The following IMMP2L variants were observed in gnomAD, a reference collection of about 807,000 sequenced individuals.
IMMP2L encodes the protein inner mitochondrial membrane peptidase subunit 2, also known as mitochondrial inner membrane protease subunit 2.
In IMMP2L, 18 loss-of-function variants were observed where a neutral mutation model predicts 19.3. The ratio of observed to expected loss-of-function variants is 0.93; its 90% CI spans 0.64 to 1.38. IMMP2L has a LOEUF of 1.38. Ranked by LOEUF, IMMP2L falls within the 40% of genes most tolerant of loss-of-function variation. The pLI, the probability that IMMP2L is intolerant of heterozygous loss-of-function variation, is 0.00. For missense variants in IMMP2L, 233 were observed against 218.2 expected (o/e 1.07, Z -0.43); for synonymous variants, 76 against 73.0 (o/e 1.04, Z -0.21).
chr7:110,979,560 G>C (rs893261417), intron 3 of IMMP2L, among the ~76,000 whole-genome samples: 1 of 152,006 alleles, frequency 6.6e-6, no homozygotes. Context: ...AATTCTATCA[G>C]TATTATTGGG....
At chr7:111,341,348 G>A (rs1053035295) in intron 3 of IMMP2L, among the ~76,000 whole-genome samples, 1 of 151,880 alleles carries the variant, frequency 6.6e-6, no homozygotes, top group African/African-American at 2.4e-5. Context: ...TTCTAATGGA[G>A]GGAAACAGAA....
intron 3 of IMMP2L, among the ~76,000 whole-genome samples, chr7:111,446,454 C>T (rs866553913): frequency 1.0e-4 from 15 of 149,816 alleles, no homozygotes; most frequent in Admixed American, 5.9e-4. Flanking sequence ...CACACTGACA[C>T]CTCACACGGC....
intron 3 of IMMP2L, among the ~76,000 whole-genome samples, chr7:111,378,470 T>C (rs1362530160): frequency 6.6e-6 from 1 of 152,002 alleles, no homozygotes; most frequent in African/African-American, 2.4e-5. Flanking sequence ...TATTAGTACT[T>C]ACTAAATCTT....
chr7:111,427,818 T>C lies in IMMP2L; in HGVS notation c.239+59420A>G, dbSNP rs116840079. Among the ~76,000 whole-genome samples the C allele has an allele frequency of 4.5e-3, 688 of 151,984 alleles. 23 individuals are homozygous for C. The highest frequency in any genetic ancestry group is 0.016 in the African/African-American group (664 of 41,328). On this transcript the variant is annotated intron_variant, in intron 3 of 5. Transcript: ENST00000405709. Reference sequence around the variant, plus strand: ...ATCAAAAAATTTTAAAATAGTTACATCTTTAATGTCATTAAGAGCAAATAC... The same window carrying C: ...ATCAAAAAATTTTAAAATAGTTACACCTTTAATGTCATTAAGAGCAAATAC...
chr7:110,979,959 A>T (rs1821093069), intron 3 of IMMP2L, among the ~76,000 whole-genome samples: 2 of 152,166 alleles, frequency 1.3e-5, no homozygotes, highest in South Asian at 4.1e-4. Flanking sequence ...ACTATTTTAA[A>T]AGATCCATTA....
At chr7:111,448,299 T>C (rs1285332908) in intron 3 of IMMP2L, among the ~76,000 whole-genome samples, 1 of 135,512 alleles carries the variant, frequency 7.4e-6, no homozygotes, top group South Asian at 2.5e-4. Context: ...ATTGACCACA[T>C]AGTTGGAAGT....
intron 1 of IMMP2L, among the ~76,000 whole-genome samples, chr7:111,542,982 T>C (rs1468926340): frequency 6.6e-6 from 1 of 152,128 alleles, no homozygotes; most frequent in Non-Finnish European, 1.5e-5. Flanking sequence ...ATCTTCTACA[T>C]TTATTACCTG....
intron 3 of IMMP2L, among the ~76,000 whole-genome samples, chr7:110,991,843 A>T (rs1159481754): frequency 6.6e-6 from 1 of 152,130 alleles, no homozygotes; most frequent in African/African-American, 2.4e-5. Context: ...ATTACTCTTC[A>T]GGCTTACCTT....
At chr7:110,825,292 C>T (rs1803375230) in intron 5 of IMMP2L, among the ~76,000 whole-genome samples, 2 of 152,122 alleles carry the variant, frequency 1.3e-5, no homozygotes, top group African/African-American at 2.4e-5. Context: ...ATGCCATCCC[C>T]ATCAAGCTAC....
chr7:110,818,212 C>T (rs1214600296), intron 5 of IMMP2L, among the ~76,000 whole-genome samples: 1 of 152,028 alleles, frequency 6.6e-6, no homozygotes, highest in Non-Finnish European at 1.5e-5. Context: ...GCAACCTACT[C>T]ATCTGACAAA....
chr7:111,302,509 T>C (rs1446994569), intron 3 of IMMP2L, among the ~76,000 whole-genome samples: 1 of 152,162 alleles, frequency 6.6e-6, no homozygotes, highest in Non-Finnish European at 1.5e-5. Context: ...TAACTCTGTG[T>C]GTGTGTGTGC....
chr7:111,241,207 C>T lies in IMMP2L; in HGVS notation c.239+246031G>A, dbSNP rs1301967975. ...TCAATAAGATTACATATATTTAAAGCATCTGAAAATACACTCCAAGTCACT... is the reference window on the plus strand; with the variant it reads ...TCAATAAGATTACATATATTTAAAGTATCTGAAAATACACTCCAAGTCACT... On this transcript the variant is annotated intron_variant, in intron 3 of 5. Transcript: ENST00000405709. Among the ~76,000 whole-genome samples the T allele has an allele frequency of 2.0e-5, 3 of 151,860 alleles. No homozygotes were observed. In the East Asian group the frequency reaches 5.8e-4, roughly 29 times the overall value.
intron 3 of IMMP2L, among the ~76,000 whole-genome samples, chr7:111,427,528 AACT>A (rs1339057298): frequency 2.0e-5 from 3 of 151,832 alleles, no homozygotes; most frequent in African/African-American, 7.3e-5. Context: ...TTTAACAGAA[AACT>A]ACATTACCAT....
chr7:111,464,594 C>T (rs1840438711), intron 3 of IMMP2L, among the ~76,000 whole-genome samples: 2 of 152,112 alleles, frequency 1.3e-5, no homozygotes, highest in Admixed American at 1.3e-4. Context: ...ATATAAAGTG[C>T]TTAGAACAAT....
At chr7:111,130,797 C>T (rs933229120) in intron 3 of IMMP2L, among the ~76,000 whole-genome samples, 2 of 152,128 alleles carry the variant, frequency 1.3e-5, no homozygotes, top group African/African-American at 4.8e-5. Context: ...AATTGAAATT[C>T]ATTATCAGAA....
intron 1 of IMMP2L, among the ~76,000 whole-genome samples, chr7:111,523,341 C>A (rs1226084044): frequency 1.3e-5 from 2 of 151,916 alleles, no homozygotes. Flanking sequence ...TAGATTTAAC[C>A]ATTCCACAAT....
intron 3 of IMMP2L, among the ~76,000 whole-genome samples, chr7:111,296,807 G>T (rs928899990): frequency 6.6e-6 from 1 of 151,856 alleles, no homozygotes; most frequent in African/African-American, 2.4e-5. Context: ...TGGCTGAATG[G>T]TTAAATAAAC....
rs962016057 is a variant in IMMP2L, at chr7:111,371,887, C to T, written c.239+115351G>A. On this transcript the variant is annotated intron_variant, in intron 3 of 5. Transcript: ENST00000405709. The stretch of plus-strand genomic sequence containing the variant: ...TGAAAACACTGTTTTTAAAGCTGAG[C>T]TGGTCAGCATCAAACACGCACTTCA... Among the ~76,000 whole-genome samples, 3 of 152,016 alleles carry T rather than the reference C, an allele frequency of 2.0e-5. No individual in the cohort carries two copies. The East Asian group carries it at 5.8e-4, about 29-fold the overall frequency.
intron 3 of IMMP2L, among the ~76,000 whole-genome samples, chr7:111,447,662 TCAC>T (rs2131867889): frequency 6.6e-6 from 1 of 151,124 alleles, no homozygotes; most frequent in African/African-American, 2.4e-5. Context: ...AGGAACGAAA[TCAC>T]CAGCTAACAT....
Sources: allele counts gnomAD v4.1 joint callset (sites outside exome capture counted in the v4.1 genomes callset), GRCh38; gene constraint gnomAD v4.1.1; transcripts MANE v1.5; gene names NCBI Gene and HGNC (gene_info 2026-07-23, HGNC 2026-07-21).